The following DENND1A variants were observed in gnomAD, a reference collection of about 807,000 sequenced individuals.
The protein encoded by DENND1A is DENN domain-containing protein 1A.
A neutral mutation model predicts 113.7 loss-of-function variants in DENND1A; 51 were observed. That is an observed-to-expected ratio of 0.45 (90% CI 0.36 to 0.57). The LOEUF (loss-of-function observed/expected upper bound fraction) is 0.57, where lower values mean the gene tolerates loss of function less well. Among genes scored for constraint, DENND1A ranks in the 20% least tolerant of loss-of-function variants. The probability of loss-of-function intolerance (pLI) is 0.00; values close to 1 mark genes in which losing one functional copy is unlikely to be tolerated. For missense variants in DENND1A, 1,258 were observed against 1,395.9 expected (o/e 0.90, Z 1.57); for synonymous variants, 565 against 570.8 (o/e 0.99, Z 0.14).
At chr9:123,842,003 T>A (rs113649990) in intron 2 of DENND1A, among the ~76,000 whole-genome samples, 1 of 152,174 alleles carries the variant, frequency 6.6e-6, no homozygotes, top group East Asian at 1.9e-4. Flanking sequence ...TCCAAACAGG[T>A]TGAGAGCTCA....
intron 16 of DENND1A, 37 bp downstream of exon 16, chr9:123,454,702 G>A: frequency 6.4e-7 from 1 of 1,550,550 alleles, no homozygotes; most frequent in Non-Finnish European, 8.7e-7. Flanking sequence ...AAGCTAAGGA[G>A]GGAGTCCAGG....
At chr9:123,508,929 C>A (rs553501224) in intron 13 of DENND1A, among the ~76,000 whole-genome samples, 13 of 152,316 alleles carry the variant, frequency 8.5e-5, no homozygotes, top group East Asian at 5.8e-4. Flanking sequence ...TCTGTGTGCA[C>A]ACAGTTTATT....
At chr9:123,919,289 T>C (rs1313511229) in intron 1 of DENND1A, among the ~76,000 whole-genome samples, 5 of 151,758 alleles carry the variant, frequency 3.3e-5, no homozygotes, top group Non-Finnish European at 7.4e-5. Flanking sequence ...CTGACCAACA[T>C]GGTGAAACCC....
chr9:123,516,103 C>T (rs924117096), intron 13 of DENND1A, among the ~76,000 whole-genome samples: 4 of 39,756 alleles, frequency 1.0e-4, no homozygotes, highest in Non-Finnish European at 1.8e-4. Context: ...TATATACACA[C>T]ACATACACAC....
chr9:123,836,525 A>G (rs1841075134), intron 2 of DENND1A, among the ~76,000 whole-genome samples: 1 of 152,216 alleles, frequency 6.6e-6, no homozygotes, highest in Admixed American at 6.5e-5. Flanking sequence ...ACAAAAATAA[A>G]AAGGATATAT....
At chr9:123,400,905 G>C (rs2043410281) in intron 21 of DENND1A, 1 of 152,224 alleles carries the variant, frequency 6.6e-6, no homozygotes. Flanking sequence ...CAGGAGGAAT[G>C]AATCTCTCCT....
At chr9:123,853,798 C>T (rs1002889573) in intron 2 of DENND1A, among the ~76,000 whole-genome samples, 1 of 152,164 alleles carries the variant, frequency 6.6e-6, no homozygotes, top group African/African-American at 2.4e-5. Context: ...CATTCAGTAG[C>T]ACTCCAGGGC....
intron 13 of DENND1A, among the ~76,000 whole-genome samples, chr9:123,555,951 C>G (rs2057391484): frequency 6.6e-6 from 1 of 152,180 alleles, no homozygotes; most frequent in Non-Finnish European, 1.5e-5. Context: ...AAGGATTGGG[C>G]CAGTTGTCCT....
intron 21 of DENND1A, among the ~76,000 whole-genome samples, chr9:123,396,691 C>T (rs1430199194): frequency 2.0e-5 from 3 of 152,188 alleles, no homozygotes. Flanking sequence ...GGATCAGACA[C>T]TCCAATTCCT....
chr9:123,867,755 T>A (rs1845986333), intron 2 of DENND1A, among the ~76,000 whole-genome samples: 1 of 151,904 alleles, frequency 6.6e-6, no homozygotes, highest in African/African-American at 2.4e-5. Context: ...TCCCTTATCC[T>A]CCAATCAACA....
intron 5 of DENND1A, among the ~76,000 whole-genome samples, chr9:123,697,617 T>C (rs1441465581): frequency 6.6e-6 from 1 of 152,188 alleles, no homozygotes; most frequent in Non-Finnish European, 1.5e-5. Context: ...AGCTCCCACA[T>C]ATCAGTGAGA....
chr9:123,512,238 A>G (rs1485713674), intron 13 of DENND1A, among the ~76,000 whole-genome samples: 1 of 152,202 alleles, frequency 6.6e-6, no homozygotes, highest in African/African-American at 2.4e-5. Flanking sequence ...CCCTCTCCTC[A>G]TAATAGGAGA....
chr9:123,413,964 T>C (rs1378468612), intron 19 of DENND1A: 1 of 989,282 alleles, frequency 1.0e-6, no homozygotes, highest in Non-Finnish European at 1.2e-6. Context: ...CCCACAATAC[T>C]GCTTCTCTTA....
At chr9:123,685,372 G>T (rs1020807925) in intron 5 of DENND1A, among the ~76,000 whole-genome samples, 1 of 152,166 alleles carries the variant, frequency 6.6e-6, no homozygotes, top group African/African-American at 2.4e-5. Context: ...AAGAATCTCT[G>T]ATTTATGTCC....
Position 123,511,429 on chromosome 9 carries a change from C to A in DENND1A, c.993+46141G>T, listed in dbSNP as rs531859523. On this transcript the variant is annotated intron_variant, in intron 13 of 23. Coordinates refer to ENST00000394215, the MANE Select transcript of DENND1A (RefSeq NM_001352964.2). ...GTGCACAGTGCAGTTGCCTGTTGCA[C>A]GGGACTAGACTGTGCTGGGAACAAG... Among the ~76,000 whole-genome samples the A allele has an allele frequency of 4.3e-4, 66 of 152,334 alleles. 1 individual carries two copies. Among genetic ancestry groups the A allele is most frequent in the African/African-American group, 1.3e-3 (54 of 41,588 alleles).
chr9:123,658,808 A>G (rs1176752683), intron 8 of DENND1A, among the ~76,000 whole-genome samples: 4 of 152,192 alleles, frequency 2.6e-5, no homozygotes, highest in African/African-American at 9.7e-5. Context: ...CTGTCCTTAG[A>G]GAAGGAGAGA....
intron 12 of DENND1A, among the ~76,000 whole-genome samples, chr9:123,578,522 G>T (rs1334667002): frequency 6.6e-6 from 1 of 152,168 alleles, no homozygotes; most frequent in Admixed American, 6.5e-5. Context: ...TGGGATTATA[G>T]GCATGAGCCA....
At chr9:123,644,185 C>T (rs903441925) in intron 9 of DENND1A, among the ~76,000 whole-genome samples, 1 of 152,046 alleles carries the variant, frequency 6.6e-6, no homozygotes, top group African/African-American at 2.4e-5. Context: ...AAAAAATGAT[C>T]ACATACATGA....
At chr9:123,873,373 G>C (rs551551703) in intron 2 of DENND1A, among the ~76,000 whole-genome samples, 3 of 152,294 alleles carry the variant, frequency 2.0e-5, no homozygotes, top group African/African-American at 7.2e-5. Flanking sequence ...CCCTTCCACA[G>C]ATGTCATGAG....
Sources: gnomAD v4.1 joint callset for allele counts (sites outside exome capture counted in the v4.1 genomes callset) on GRCh38, gnomAD v4.1.1 for gene constraint, MANE v1.5 for transcripts, NCBI Gene and HGNC (gene_info 2026-07-23, HGNC 2026-07-21) for gene names.